CDH13: variants seen among roughly 807,000 people sequenced by gnomAD.
CDH13 encodes cadherin-13.
Under a neutral mutation model 63.8 loss-of-function variants are expected in CDH13, and 24 were observed. The ratio of observed to expected loss-of-function variants is 0.38; its 90% CI spans 0.27 to 0.53. The LOEUF (loss-of-function observed/expected upper bound fraction) is 0.53. Among genes scored for constraint, CDH13 ranks in the 20% least tolerant of loss-of-function variants. The pLI is 0.85. For synonymous variants in CDH13, 503 were observed against 355.3 expected, an observed-to-expected ratio of 1.42 and a Z score of -4.67; for missense variants, 1,049 against 903.1, an observed-to-expected ratio of 1.16 and a Z score of -2.07.
chr16:82,918,320 C>T (rs186819378), intron 2 of CDH13, among the ~76,000 whole-genome samples: 4 of 152,198 alleles, frequency 2.6e-5, no homozygotes, highest in East Asian at 3.9e-4. Flanking sequence ...ACAGAAGACA[C>T]GGAGAAAATG....
intron 6 of CDH13, among the ~76,000 whole-genome samples, chr16:83,402,165 A>G (rs1052301057): frequency 2.0e-5 from 3 of 152,010 alleles, no homozygotes; most frequent in African/African-American, 4.8e-5. Flanking sequence ...TATTATTATT[A>G]TTGTTGTTAT....
chr16:83,153,205 G>C (rs1199244165), intron 4 of CDH13, among the ~76,000 whole-genome samples: 3 of 152,156 alleles, frequency 2.0e-5, no homozygotes, highest in Non-Finnish European at 2.9e-5. Flanking sequence ...GGGGCAGTGA[G>C]TTGGGGAGTG....
intron 3 of CDH13, among the ~76,000 whole-genome samples, chr16:83,113,813 C>G (rs1470773786): frequency 1.3e-5 from 2 of 152,132 alleles, no homozygotes; most frequent in Admixed American, 1.3e-4. Context: ...GTGCGTGCAG[C>G]TGAGAAGCAG....
intron 4 of CDH13, among the ~76,000 whole-genome samples, chr16:83,127,790 C>G (rs1161637569): frequency 1.3e-5 from 2 of 152,154 alleles, no homozygotes; most frequent in East Asian, 1.9e-4. Context: ...AATCCAATAT[C>G]CTGGTAATCA....
intron 5 of CDH13, among the ~76,000 whole-genome samples, chr16:83,275,712 C>T (rs146299947): frequency 6.6e-6 from 1 of 152,104 alleles, no homozygotes; most frequent in Non-Finnish European, 1.5e-5. Context: ...GGATTAATGA[C>T]TTGGTTATAC....
chr16:83,565,762 G>T (rs562568932), intron 7 of CDH13, among the ~76,000 whole-genome samples: 3 of 150,732 alleles, frequency 2.0e-5, no homozygotes, highest in Admixed American at 2.0e-4. Flanking sequence ...TTTCTGATAA[G>T]TTATTCTTTT....
At chr16:82,926,526 T>C (rs1312805834) in intron 2 of CDH13, among the ~76,000 whole-genome samples, 1 of 152,190 alleles carries the variant, frequency 6.6e-6, no homozygotes, top group African/African-American at 2.4e-5. Flanking sequence ...TTCCCTCTGC[T>C]CTGAAGCTCA....
intron 5 of CDH13, among the ~76,000 whole-genome samples, chr16:83,250,810 T>C (rs891583250): frequency 6.6e-6 from 1 of 152,232 alleles, no homozygotes. Context: ...CTTTCCCATC[T>C]GTGCTTAGGA....
At chr16:82,840,138 G>A (rs1046740245) in intron 1 of CDH13, among the ~76,000 whole-genome samples, 1 of 152,192 alleles carries the variant, frequency 6.6e-6, no homozygotes, top group East Asian at 1.9e-4. Flanking sequence ...GAAAGTTAAC[G>A]CTATAATGAT....
At chr16:83,050,438 C>T (rs1385111932) in intron 3 of CDH13, among the ~76,000 whole-genome samples, 1 of 152,256 alleles carries the variant, frequency 6.6e-6, no homozygotes, top group East Asian at 1.9e-4. Flanking sequence ...AAATGCTCTT[C>T]CGTTTGCTGT....
chr16:83,106,528 G>C (rs972391990), intron 3 of CDH13, among the ~76,000 whole-genome samples: 1 of 152,136 alleles, frequency 6.6e-6, no homozygotes, highest in Admixed American at 6.5e-5. Flanking sequence ...GCGACAAGGC[G>C]AGACTCCACC....
At chr16:82,771,481 C>T (rs1374973190) in intron 1 of CDH13, among the ~76,000 whole-genome samples, 1 of 152,182 alleles carries the variant, frequency 6.6e-6, no homozygotes, top group Non-Finnish European at 1.5e-5. Context: ...ATTCTGCCGT[C>T]AGCATTACAG....
intron 1 of CDH13, among the ~76,000 whole-genome samples, chr16:82,744,359 T>C (rs546391141): frequency 2.9e-4 from 44 of 152,324 alleles, no homozygotes; most frequent in African/African-American, 1.0e-3. Context: ...TTCTTGCCCT[T>C]CAGAGATAAT....
At chr16:83,794,940 C>A in intron 13 of CDH13, 83 bp from the exon 14 acceptor site, 2 of 1,278,570 alleles carry the variant, frequency 1.6e-6, no homozygotes, top group East Asian at 2.5e-5. Context: ...TATACCTTGC[C>A]TGTCATTTTT....
In CDH13 at chr16:83,553,645, C is replaced by T. The variant is rs578246354; in HGVS notation, c.961-48809C>T. Among the ~76,000 whole-genome samples the T allele has an allele frequency of 9.6e-4, 146 of 152,336 alleles. 1 individual carries two copies. In the South Asian group the frequency reaches 0.011, roughly 11 times the overall value. The stretch of plus-strand genomic sequence containing the variant: ...GGTCTTGGCTCACTGCAACCTCTGC[C>T]TCTTGGGTTCAAGCCATTTTCCTGC... On this transcript the variant is annotated intron_variant, in intron 7 of 13. Transcript: ENST00000567109.
At chr16:82,673,322 G>A (rs1302153018) in intron 1 of CDH13, among the ~76,000 whole-genome samples, 1 of 152,018 alleles carries the variant, frequency 6.6e-6, no homozygotes, top group Non-Finnish European at 1.5e-5. Context: ...AACACTTACT[G>A]AGGTTCACAC....
At chr16:83,215,662 G>A (rs983023976) in intron 4 of CDH13, among the ~76,000 whole-genome samples, 4 of 151,728 alleles carry the variant, frequency 2.6e-5, no homozygotes, top group African/African-American at 9.7e-5. Context: ...GGAGCAGGGG[G>A]CGGGCAGGAC....
intron 7 of CDH13, among the ~76,000 whole-genome samples, chr16:83,573,534 C>T (rs1445380353): frequency 6.6e-6 from 1 of 152,186 alleles, no homozygotes; most frequent in African/African-American, 2.4e-5. Flanking sequence ...AATGGCGGCA[C>T]CTTTGCCCTT....
chr16:83,794,255 C>G (rs971898698), intron 13 of CDH13, among the ~76,000 whole-genome samples: 1 of 152,160 alleles, frequency 6.6e-6, no homozygotes, highest in Non-Finnish European at 1.5e-5. Flanking sequence ...AATTAACATA[C>G]CATGTTTGGG....
Sources: gnomAD v4.1 joint callset for allele counts (sites outside exome capture counted in the v4.1 genomes callset) on GRCh38, gnomAD v4.1.1 for gene constraint, MANE v1.5 for transcripts, NCBI Gene and HGNC (gene_info 2026-07-23, HGNC 2026-07-21) for gene names.